Variants in OSBP2 observed in about 807,000 individuals in gnomAD.
OSBP2 encodes oxysterol-binding protein 2.
In OSBP2, 66 loss-of-function variants were observed where a neutral mutation model predicts 96.0. That is an observed-to-expected ratio of 0.69 (90% confidence interval 0.56 to 0.84). The LOEUF is 0.84. Ranked by LOEUF, OSBP2 falls within the 40% of genes least tolerant of loss-of-function variation. The pLI, the probability that OSBP2 is intolerant of heterozygous loss-of-function variation, is 0.00. For synonymous variants in OSBP2, 525 were observed against 520.9 expected (o/e 1.01, Z -0.11); for missense variants, 1,038 against 1,222.7 (o/e 0.85, Z 2.25).
At chr22:30,796,147 G>C (rs2090757873) in intron 2 of OSBP2, among the ~76,000 whole-genome samples, 1 of 152,048 alleles carries the variant, frequency 6.6e-6, no homozygotes, top group African/African-American at 2.4e-5. Context: ...GGAAGGCATT[G>C]AGTCTTTGAG....
intron 2 of OSBP2, among the ~76,000 whole-genome samples, chr22:30,766,855 A>G (rs886993547): frequency 4.6e-5 from 7 of 152,082 alleles, no homozygotes; most frequent in African/African-American, 1.7e-4. Flanking sequence ...GGGGATTGTG[A>G]TAAAATAGAG....
upstream of OSBP2, chr22:30,694,870 C>G: frequency 1.0e-6 from 1 of 994,728 alleles, no homozygotes; most frequent in Non-Finnish European, 1.3e-6. Context: ...TGCCCCCCGC[C>G]CCCACTGGCC....
At position 30,864,836 on chromosome 22, in the gene OSBP2, C is replaced by T. The variant is rs77028662; in HGVS notation, c.854-5593C>T. Among the ~76,000 whole-genome samples, 1,354 of 152,252 alleles carry T rather than the reference C, an allele frequency of 8.9e-3. 21 individuals carry two copies. Among genetic ancestry groups the T allele is most frequent in the African/African-American group, 0.03 (1,248 of 41,552 alleles). The stretch of plus-strand genomic sequence containing the variant: ...CAGTGACACCCATGAGGGGACGGGT[C>T]CCTGCTGGACATCTATGCCTTAACC... On this transcript the variant is annotated intron_variant, in intron 2 of 13. Coordinates refer to ENST00000332585, the MANE Select transcript of OSBP2 (RefSeq NM_030758.4).
At chr22:30,831,363 C>T (rs950468156) in intron 2 of OSBP2, among the ~76,000 whole-genome samples, 8 of 152,166 alleles carry the variant, frequency 5.3e-5, no homozygotes, top group Non-Finnish European at 1.0e-4. Flanking sequence ...TTTGATGGCT[C>T]GTCAGCTGCA....
At chr22:30,836,096 C>A (rs2038626832) in intron 2 of OSBP2, among the ~76,000 whole-genome samples, 1 of 152,174 alleles carries the variant, frequency 6.6e-6, no homozygotes, top group Non-Finnish European at 1.5e-5. Context: ...CTCCTCTGAT[C>A]CACTCTACCA....
intron 1 of OSBP2, among the ~76,000 whole-genome samples, chr22:30,739,984 T>C (rs1383145442): frequency 3.9e-5 from 6 of 152,136 alleles, no homozygotes; most frequent in Non-Finnish European, 4.4e-5. Flanking sequence ...TAGCTGGGAT[T>C]ACAGGCAAGA....
At chr22:30,824,269 A>T (rs932700433) in intron 2 of OSBP2, among the ~76,000 whole-genome samples, 2 of 152,116 alleles carry the variant, frequency 1.3e-5, no homozygotes, top group African/African-American at 4.8e-5. Context: ...CGGCTCAGGA[A>T]GTTGTGTGTT....
chr22:30,850,578 C>A (rs2038961270), intron 2 of OSBP2, among the ~76,000 whole-genome samples: 1 of 152,146 alleles, frequency 6.6e-6, no homozygotes. Flanking sequence ...CCGCTCACTG[C>A]AACCTCCGCC....
chr22:30,863,448 C>T (rs1024208556), intron 2 of OSBP2, among the ~76,000 whole-genome samples: 2 of 152,170 alleles, frequency 1.3e-5, no homozygotes, highest in African/African-American at 2.4e-5. Context: ...AGAGCCCCCA[C>T]GTGGGGGTGG....
At chr22:30,819,882 G>C (rs2091126827) in intron 2 of OSBP2, among the ~76,000 whole-genome samples, 1 of 152,204 alleles carries the variant, frequency 6.6e-6, no homozygotes, top group South Asian at 2.1e-4. Context: ...AGTGAGGGTG[G>C]CATGTGGCAC....
intron 2 of OSBP2, among the ~76,000 whole-genome samples, chr22:30,769,754 C>T (rs2090323902): frequency 6.6e-6 from 1 of 152,168 alleles, no homozygotes; most frequent in African/African-American, 2.4e-5. Context: ...ACTACCATTC[C>T]AGGCTCTTCA....
chr22:30,878,252 G>A (rs1217379164), intron 3 of OSBP2, among the ~76,000 whole-genome samples: 1 of 152,248 alleles, frequency 6.6e-6, no homozygotes, highest in Admixed American at 6.5e-5. Flanking sequence ...ATGATCCCAC[G>A]TGCATTTTAG....
At chr22:30,765,527 A>G (rs1223739895) in intron 2 of OSBP2, among the ~76,000 whole-genome samples, 1 of 152,140 alleles carries the variant, frequency 6.6e-6, no homozygotes, top group Non-Finnish European at 1.5e-5. Flanking sequence ...TTTTTATAAT[A>G]AACATTCTAC....
intron 3 of OSBP2, among the ~76,000 whole-genome samples, chr22:30,885,226 A>T (rs2039785445): frequency 6.6e-6 from 1 of 152,130 alleles, no homozygotes; most frequent in African/African-American, 2.4e-5. Context: ...CAGCTGGGGC[A>T]ATTGGGTGGG....
At chr22:30,730,732 CTCTCTCTCTCTCT>C (rs2089740793) in intron 1 of OSBP2, among the ~76,000 whole-genome samples, 1 of 26,446 alleles carries the variant, frequency 3.8e-5, no homozygotes, top group African/African-American at 1.3e-4. Context: ...CTCTCTCTCT[CTCTCTCTCTCTCT>C]CTCTCTCTCT....
chr22:30,906,502 C>A lies in OSBP2; in HGVS notation c.*163C>A. 3.4e-6 allele frequency: 3 copies of A among 870,676 alleles called. No individual in the cohort carries two copies. Among genetic ancestry groups the A allele is most frequent in the Non-Finnish European group, 4.9e-6 (3 of 611,510 alleles). The allele number at this position is 870,676 out of a possible 1,614,324, so 53.9% of individuals were successfully genotyped here. ...CCCCACACTTTCTTGGGACTCCCACCTTGGAAGGAGGAAGGGCTGACCTGG... is the reference window on the plus strand; with the variant it reads ...CCCCACACTTTCTTGGGACTCCCACATTGGAAGGAGGAAGGGCTGACCTGG... On this transcript the variant is annotated 3_prime_UTR_variant, in exon 14 of 14. Coordinates refer to ENST00000332585, the MANE Select transcript of OSBP2 (RefSeq NM_030758.4).
chr22:30,769,604 G>T (rs1229220505), intron 2 of OSBP2, among the ~76,000 whole-genome samples: 1 of 152,136 alleles, frequency 6.6e-6, no homozygotes, highest in Non-Finnish European at 1.5e-5. Flanking sequence ...AGCGGAGATT[G>T]CGCCACTACA....
rs138918502 is a variant in OSBP2, at chr22:30,792,901, G to A, written c.853+51532G>A. Among the ~76,000 whole-genome samples, 1,033 of 152,224 alleles carry A rather than the reference G, an allele frequency of 6.8e-3. 9 individuals are homozygous for A. The highest frequency in any genetic ancestry group is 0.023 in the African/African-American group (968 of 41,538). On this transcript the variant is annotated intron_variant, in intron 2 of 13. Transcript: ENST00000332585. Reference sequence around the variant, plus strand: ...CACTATGTGTGCCTACTGTGTGCCTGGCATGTTTACATGCATTATGGGTCA... The same window carrying A: ...CACTATGTGTGCCTACTGTGTGCCTAGCATGTTTACATGCATTATGGGTCA...
chr22:30,759,932 G>A (rs1257434202), intron 2 of OSBP2, among the ~76,000 whole-genome samples: 1 of 151,820 alleles, frequency 6.6e-6, no homozygotes, highest in Non-Finnish European at 1.5e-5. Context: ...TGCAGTCTTG[G>A]CTCACTGCAA....
Sources: gnomAD v4.1 joint callset for allele counts (sites outside exome capture counted in the v4.1 genomes callset) on GRCh38, gnomAD v4.1.1 for gene constraint, MANE v1.5 for transcripts, NCBI Gene and HGNC (gene_info 2026-07-23, HGNC 2026-07-21) for gene names.